TAFAZZIN: variants seen among roughly 807,000 people sequenced by gnomAD.
TAFAZZIN encodes the protein protein G4.5.
A neutral mutation model predicts 27.3 loss-of-function variants in TAFAZZIN; 6 were observed. The observed-to-expected ratio is 0.22, with a 90% CI of 0.12 to 0.43. TAFAZZIN has a LOEUF of 0.43. Among genes scored for constraint, TAFAZZIN ranks in the 20% least tolerant of loss-of-function variants. The pLI is 1.00. For missense variants in TAFAZZIN, 127 were observed against 244.5 expected, an observed-to-expected ratio of 0.52 and a Z score of 3.21; for synonymous variants, 79 against 96.2, an observed-to-expected ratio of 0.82 and a Z score of 1.04.
At chrX:154,414,691 CA>C (rs35339645) in intron 5 of TAFAZZIN, among the ~76,000 whole-genome samples, 825 of 54,125 alleles carry the variant, frequency 0.015, 3 homozygotes, top group Middle Eastern at 0.025. Flanking sequence ...GACTCCGTCT[CA>C]AAAAAAAAAA....
chrX:154,413,688 G>C, intron 4 of TAFAZZIN, 121 bp downstream of exon 4: 1 of 664,913 alleles, frequency 1.5e-6, no homozygotes, highest in Non-Finnish European at 2.3e-6. Context: ...ATGAGGCCCA[G>C]CTCCATCACA....
At chrX:154,413,116 C>T in intron 2 of TAFAZZIN, 91 bp from the exon 3 acceptor site, 1 of 1,146,905 alleles carries the variant, frequency 8.7e-7, no homozygotes, top group Non-Finnish European at 1.2e-6. Context: ...AATGGTAGTG[C>T]TGCTGTCCCT....
chrX:154,420,634 T>A, intron 9 of TAFAZZIN, 24 bp from the exon 10 acceptor site: 1 of 1,209,559 alleles, frequency 8.3e-7, no homozygotes, highest in East Asian at 3.0e-5. Flanking sequence ...CTGCTCCTCA[T>A]CACTCTTGGC....
rs782564325 is a variant in TAFAZZIN at position 154,413,548 on chromosome X, G to A, written c.351G>A (p.Lys117=). 5.0e-5 allele frequency: 60 copies of A among 1,210,848 alleles called. No individual in the cohort carries two copies. The highest frequency in any genetic ancestry group is 6.7e-5 in the Non-Finnish European group (60 of 895,313). Residue 117 remains lysine, a synonymous_variant, in exon 4 of 11, where the codon AAG becomes AAA. Transcript: ENST00000601016. ...ACTCCCACTTCTTCAGCTTGGGCAA[G>A]TGTGTGCCTGTGTGCCGAGGTGAGC... is the stretch of plus-strand genomic sequence containing the variant. ...ELHSHFFSLG[K]CVPVCRGAEF...
At chrX:154,419,845 T>C (rs1353275156) in intron 7 of TAFAZZIN, 99 bp downstream of exon 7, 14 of 1,122,124 alleles carry the variant, frequency 1.2e-5, no homozygotes, top group Non-Finnish European at 1.6e-5. Flanking sequence ...TGTATGGGGG[T>C]AGATGGGCGT....
intron 5 of TAFAZZIN, among the ~76,000 whole-genome samples, chrX:154,414,941 A>T (rs2068440516): frequency 9.6e-6 from 1 of 104,227 alleles, no homozygotes; most frequent in African/African-American, 3.5e-5. Flanking sequence ...GTGAGCTGAG[A>T]TCCTGCCATT....
intron 2 of TAFAZZIN, 175 bp downstream of exon 2, chrX:154,412,389 G>A (rs981645959): frequency 3.4e-4 from 220 of 642,077 alleles, no homozygotes; most frequent in Non-Finnish European, 1.2e-4. Flanking sequence ...GCATCCCTGA[G>A]GGAGCATGAT....
chrX:154,412,334 G>A (rs1603377044), intron 2 of TAFAZZIN, 120 bp downstream of exon 2: 1 of 996,392 alleles, frequency 1.0e-6, no homozygotes, highest in Non-Finnish European at 1.4e-6. Context: ...TCCGGTTTCC[G>A]GGCGTTCTGC....
intron 10 of TAFAZZIN, 23 bp downstream of exon 10, chrX:154,420,758 C>T (rs372488219): frequency 2.0e-5 from 24 of 1,205,901 alleles, no homozygotes; most frequent in African/African-American, 1.6e-4. Flanking sequence ...CTGGGTCCCC[C>T]GTAGCTGTCC....
chrX:154,419,059 C>A, intron 5 of TAFAZZIN: 1 of 153,924 alleles, frequency 6.5e-6, no homozygotes, highest in South Asian at 1.5e-4. Context: ...GAGCGGTCGG[C>A]TGGCAGCCAG....
At chrX:154,413,764 C>A in intron 4 of TAFAZZIN, 197 bp downstream of exon 4, 1 of 454,180 alleles carries the variant, frequency 2.2e-6, no homozygotes, top group Non-Finnish European at 3.8e-6. Flanking sequence ...CAACTCTCTG[C>A]AACTGCCCAG....
At chrX:154,417,426 T>TG (rs1218205622) in intron 5 of TAFAZZIN, among the ~76,000 whole-genome samples, 1 of 111,784 alleles carries the variant, frequency 8.9e-6, no homozygotes, top group African/African-American at 3.2e-5. Context: ...GTGCTGCAGT[T>TG]GGGGGGGAAT....
Position 154,419,760 on chromosome X carries a change from G to T in TAFAZZIN, c.583+14G>T. 3.3e-6 allele frequency: 4 copies of T among 1,211,989 alleles called. No individual in the cohort carries two copies. The highest frequency in any genetic ancestry group is 3.4e-6 in the Non-Finnish European group (3 of 895,367). On this transcript the variant is annotated intron_variant, in intron 7 of 10. Coordinates refer to ENST00000601016, the MANE Select transcript of TAFAZZIN (RefSeq NM_000116.5). ...GTTTCAAGTGGGGTAAGGGCTGCTG[G>T]TCTCTGGCCACAGCCATCCTCCCGG...
At chrX:154,418,748 A>G (rs2068548524) in intron 5 of TAFAZZIN, 3 of 111,982 alleles carry the variant, frequency 2.7e-5, no homozygotes, top group Admixed American at 9.4e-5. Flanking sequence ...GTGTGTTCAA[A>G]TGAATGTTCT....
At position 154,421,079 on chromosome X, in the gene TAFAZZIN, A is replaced by C; in HGVS notation, c.*75A>C. On this transcript the variant is annotated 3_prime_UTR_variant, in exon 11 of 11. Transcript: ENST00000601016. ...AGGGATGGACTGATGCTTTTAGCTCAAACGTGGCTTTTAGACAGATTTGTT... is the reference window on the plus strand; with the variant it reads ...AGGGATGGACTGATGCTTTTAGCTCCAACGTGGCTTTTAGACAGATTTGTT... 1 of 1,009,573 alleles carries C rather than the reference A, an allele frequency of 9.9e-7. No homozygotes were observed. Among genetic ancestry groups the C allele is most frequent in the Non-Finnish European group, 1.4e-6 (1 of 722,361 alleles). The allele number at this position is 1,009,573 out of a possible 1,213,427, so 83.2% of individuals were successfully genotyped here. A position where few individuals can be genotyped will look rare whatever the true frequency, so the allele number is the denominator to read the frequency against.
In TAFAZZIN at chrX:154,414,241, C is replaced by T. The variant is rs782653727; in HGVS notation, c.460+51C>T. ...TTGTCATCCCAGCACTTTGTGAGGTCGAGGTGAGAGGATCACTCAAGCCCA... is the reference window on the plus strand; with the variant it reads ...TTGTCATCCCAGCACTTTGTGAGGTTGAGGTGAGAGGATCACTCAAGCCCA... On this transcript the variant is annotated intron_variant, in intron 5 of 10. Coordinates refer to ENST00000601016, the MANE Select transcript of TAFAZZIN (RefSeq NM_000116.5). The T allele has an allele frequency of 8.3e-5, 88 of 1,060,475 alleles. No homozygotes were observed. The South Asian group carries it at 1.1e-3, about 13-fold the overall frequency. 87.4% of individuals were successfully genotyped at this position (1,060,475 alleles called of 1,213,427 possible).
In TAFAZZIN at chrX:154,421,671, G is replaced by A. The variant is rs1557195004; in HGVS notation, c.*667G>A. 3.0e-6 allele frequency: 1 copy of A among 329,737 alleles called. No homozygotes were observed. Among genetic ancestry groups the A allele is most frequent in the Admixed American group, 3.1e-5 (1 of 32,292 alleles). The allele number at this position is 329,737 out of a possible 1,213,427, so 27.2% of individuals were successfully genotyped here. A position where few individuals can be genotyped will look rare whatever the true frequency, so the allele number is the denominator to read the frequency against. On this transcript the variant is annotated 3_prime_UTR_variant, in exon 11 of 11. Coordinates refer to ENST00000601016, the MANE Select transcript of TAFAZZIN (RefSeq NM_000116.5). ...AACATCACTTGAATCCTAGGGCCTG[G>A]GTTTTCATGTTTTTGAAACAGAACC...
intron 7 of TAFAZZIN, 64 bp from the exon 8 acceptor site, chrX:154,419,968 G>A: frequency 8.4e-7 from 1 of 1,188,626 alleles, no homozygotes; most frequent in Non-Finnish European, 1.1e-6. Flanking sequence ...GTGGCCAGAG[G>A]CTGGCACAGA....
intron 2 of TAFAZZIN, chrX:154,412,848 G>C (rs2068356718): frequency 1.6e-5 from 5 of 316,195 alleles, no homozygotes; most frequent in Non-Finnish European, 2.8e-5. Flanking sequence ...GGTGGAGAAA[G>C]GCCTATAGAT....
Sources: gnomAD v4.1 joint callset for allele counts (sites outside exome capture counted in the v4.1 genomes callset) on GRCh38, gnomAD v4.1.1 for gene constraint, MANE v1.5 for transcripts, NCBI Gene and HGNC (gene_info 2026-07-23, HGNC 2026-07-21) for gene names.